Variants in TRHDE observed in about 807,000 individuals in gnomAD.
The protein encoded by TRHDE is thyrotropin-releasing hormone-degrading ectoenzyme.
A neutral mutation model predicts 125.7 loss-of-function variants in TRHDE; 72 were observed. The ratio of observed to expected loss-of-function variants is 0.57; its 90% confidence interval spans 0.47 to 0.70. The LOEUF is 0.70. Among genes scored for constraint, TRHDE ranks in the 30% least tolerant of loss-of-function variants. The pLI, the probability that TRHDE is intolerant of heterozygous loss-of-function variation, is 0.00. For missense variants in TRHDE, 1,110 were observed against 1,327.1 expected, an observed-to-expected ratio of 0.84 and a Z score of 2.54; for synonymous variants, 509 against 509.1, an observed-to-expected ratio of 1.00 and a Z score of 0.00.
intron 5 of TRHDE, among the ~76,000 whole-genome samples, chr12:72,475,254 A>G (rs978413535): frequency 6.6e-6 from 1 of 152,150 alleles, no homozygotes; most frequent in East Asian, 1.9e-4. Flanking sequence ...ACTTTGTTTA[A>G]ATTTCTCATT....
intron 7 of TRHDE, among the ~76,000 whole-genome samples, chr12:72,542,609 G>T (rs1025911153): frequency 5.3e-5 from 8 of 151,288 alleles, no homozygotes; most frequent in African/African-American, 1.9e-4. Context: ...TTTAAAATAT[G>T]CCAGATTCTA....
chr12:72,466,400 C>T (rs1876377485), intron 3 of TRHDE, among the ~76,000 whole-genome samples: 1 of 152,156 alleles, frequency 6.6e-6, no homozygotes, highest in East Asian at 1.9e-4. Flanking sequence ...TACTTTGTCA[C>T]AGGCTTGGGT....
chr12:72,377,125 CAT>C (rs901871887), intron 2 of TRHDE, among the ~76,000 whole-genome samples: 1 of 152,154 alleles, frequency 6.6e-6, no homozygotes, highest in African/African-American at 2.4e-5. Context: ...CCACAAAATA[CAT>C]ATTTCTTTTT....
chr12:72,199,120 T>C (rs1178966972), intron 2 of TRHDE, among the ~76,000 whole-genome samples: 1 of 152,126 alleles, frequency 6.6e-6, no homozygotes, highest in African/African-American at 2.4e-5. Context: ...CAATCCAACA[T>C]GAAATTTGGG....
At chr12:72,387,135 T>C (rs1215230301) in intron 3 of TRHDE, among the ~76,000 whole-genome samples, 1 of 152,206 alleles carries the variant, frequency 6.6e-6, no homozygotes, top group African/African-American at 2.4e-5. Context: ...CTTTTATGTT[T>C]TACTGATATC....
At chr12:72,386,239 G>A (rs1872410181) in intron 3 of TRHDE, among the ~76,000 whole-genome samples, 1 of 152,132 alleles carries the variant, frequency 6.6e-6, no homozygotes, top group Non-Finnish European at 1.5e-5. Flanking sequence ...TTTTAAAGAG[G>A]CCTCCAAGGC....
At chr12:72,254,800 A>G (rs1175739982) in intron 2 of TRHDE, 1 of 152,162 alleles carries the variant, frequency 6.6e-6, no homozygotes, top group African/African-American at 2.4e-5. Flanking sequence ...GATTCCAACA[A>G]ATCCCTTTCT....
At chr12:72,281,597 G>T (rs963233163) in intron 1 of TRHDE, among the ~76,000 whole-genome samples, 3 of 152,146 alleles carry the variant, frequency 2.0e-5, no homozygotes, top group Non-Finnish European at 4.4e-5. Flanking sequence ...AACCTTTCAA[G>T]TCATCCATGC....
Position 72,273,571 on chromosome 12 carries a change from C to A in TRHDE, c.914+14C>A. On this transcript the variant is annotated intron_variant, in intron 1 of 18. Coordinates refer to ENST00000261180, the MANE Select transcript of TRHDE (RefSeq NM_013381.3). The surrounding 1 kb of genome is among the most constrained non-coding windows in gnomAD (Gnocchi z 5.3). ...CGGGGAGAGAAGGTATGGAGGGAGG[C>A]GGTGCCCCGCGCTGCCCCACCCCGG... 1 of 1,567,900 alleles carries A rather than the reference C, an allele frequency of 6.4e-7. No homozygotes were observed.
chr12:72,620,713 T>C (rs1050291371), intron 13 of TRHDE, among the ~76,000 whole-genome samples: 15 of 152,142 alleles, frequency 9.9e-5, no homozygotes, highest in Middle Eastern at 3.2e-3. Context: ...AAATATGCCT[T>C]GTTGATATAA....
chr12:72,252,622 AG>A (rs1372888543), intron 2 of TRHDE, among the ~76,000 whole-genome samples: 6 of 152,030 alleles, frequency 3.9e-5, no homozygotes, highest in East Asian at 3.9e-4. Flanking sequence ...AGATATTCTA[AG>A]GTTTGTGCTT....
chr12:72,114,893 C>G (rs185719297), intron 2 of TRHDE, among the ~76,000 whole-genome samples: 217 of 152,000 alleles, frequency 1.4e-3, no homozygotes, highest in Non-Finnish European at 2.6e-3. Context: ...TGGTATGGTT[C>G]CTGCAAGGTT....
intron 2 of TRHDE, among the ~76,000 whole-genome samples, chr12:72,136,376 G>A (rs772808805): frequency 1.6e-4 from 25 of 152,276 alleles, no homozygotes; most frequent in African/African-American, 2.9e-4. Flanking sequence ...CATAGACTCC[G>A]TAATTTACAA....
chr12:72,510,438 A>C (rs1391636453), intron 6 of TRHDE, among the ~76,000 whole-genome samples: 1 of 152,172 alleles, frequency 6.6e-6, no homozygotes, highest in Non-Finnish European at 1.5e-5. Flanking sequence ...ACATCCACTT[A>C]TTTAATCTCC....
intron 2 of TRHDE, among the ~76,000 whole-genome samples, chr12:72,224,206 C>CTATT (rs1565666800): frequency 6.7e-6 from 1 of 148,270 alleles, no homozygotes; most frequent in Non-Finnish European, 1.5e-5. Flanking sequence ...ATCTATCTAT[C>CTATT]TATCTATCAT....
chr12:72,453,115 C>T (rs1026059642), intron 3 of TRHDE, among the ~76,000 whole-genome samples: 2 of 151,986 alleles, frequency 1.3e-5, no homozygotes, highest in African/African-American at 4.8e-5. Context: ...CAGAAGAAGA[C>T]AGGAAGATGA....
chr12:72,484,152 A>G (rs767906470), intron 5 of TRHDE, among the ~76,000 whole-genome samples: 7 of 152,106 alleles, frequency 4.6e-5, no homozygotes, highest in Non-Finnish European at 1.0e-4. Context: ...ACATTTTGTC[A>G]AATATTAAAA....
intron 2 of TRHDE, among the ~76,000 whole-genome samples, chr12:72,225,173 A>G (rs1375938086): frequency 1.3e-5 from 2 of 152,280 alleles, no homozygotes; most frequent in African/African-American, 2.4e-5. Flanking sequence ...AATGTTCTCT[A>G]AAGTTTTTTT....
At chr12:72,271,861 T>C (rs557683621), upstream of TRHDE, 8 of 453,614 alleles carry the variant, frequency 1.8e-5, no homozygotes, top group African/African-American at 1.4e-4. Context: ...CTTTCTCACT[T>C]GTCATCTCCG....
Sources: gnomAD v4.1 joint callset for allele counts (sites outside exome capture counted in the v4.1 genomes callset) on GRCh38, gnomAD v4.1.1 for gene constraint, Gnocchi (gnomAD v3.1) non-coding constraint, MANE v1.5 for transcripts, NCBI Gene and HGNC (gene_info 2026-07-23, HGNC 2026-07-21) for gene names.